PRKCZ: variants seen among roughly 807,000 people sequenced by gnomAD.
PRKCZ encodes protein kinase C zeta type.
In PRKCZ, 33 loss-of-function variants were observed where a neutral mutation model predicts 79.5. The observed-to-expected ratio is 0.41, with a 90% CI of 0.31 to 0.55. The LOEUF (loss-of-function observed/expected upper bound fraction) is 0.55, where lower values mean the gene tolerates loss of function less well. Among genes scored for constraint, PRKCZ ranks in the 20% least tolerant of loss-of-function variants. The pLI is 0.19. For synonymous variants in PRKCZ, 342 were observed against 320.9 expected (o/e 1.07, Z -0.70); for missense variants, 578 against 813.5 (o/e 0.71, Z 3.52).
chr1:2,154,127 G>T lies in PRKCZ; in HGVS notation c.877-1868G>T, dbSNP rs182649109. On this transcript the variant is annotated intron_variant, in intron 9 of 17. Coordinates refer to ENST00000378567, the MANE Select transcript of PRKCZ (RefSeq NM_002744.6). Reference sequence around the variant, plus strand: ...TGGGTGCTGCTGGTGAGGGCCACTGGGGGACGGGTGGTGGCAGGTGAGGGG... The same window carrying T: ...TGGGTGCTGCTGGTGAGGGCCACTGTGGGACGGGTGGTGGCAGGTGAGGGG... Among the ~76,000 whole-genome samples the T allele has an allele frequency of 1.9e-3, 295 of 152,320 alleles. 3 individuals carry two copies. The highest frequency in any genetic ancestry group is 0.011 in the South Asian group (52 of 4,816).
In PRKCZ at chr1:2,144,071, G is replaced by A. The variant is rs1279696370; in HGVS notation, c.421-139G>A. On this transcript the variant is annotated intron_variant, in intron 5 of 17. Coordinates refer to ENST00000378567, the MANE Select transcript of PRKCZ (RefSeq NM_002744.6). The stretch of plus-strand genomic sequence containing the variant: ...CAAGCTTGGGCAAGCCTGGCGCCCG[G>A]AAGGGACAAGGTGCCGGGGCCACCT... 4 of 1,271,196 alleles carry A rather than the reference G, an allele frequency of 3.1e-6. No individual in the cohort carries two copies. In the African/African-American group the frequency reaches 6.0e-5, roughly 19 times the overall value. The allele number at this position is 1,271,196 out of a possible 1,614,324, so 78.7% of individuals were successfully genotyped here.
intron 4 of PRKCZ, chr1:2,111,902 C>G (rs570076318): frequency 6.6e-6 from 1 of 152,226 alleles, no homozygotes; most frequent in East Asian, 1.9e-4. Flanking sequence ...GTGGGAGAGA[C>G]GGGTGTCGGG....
At chr1:2,147,803 TATCC>T (rs1388591813) in intron 7 of PRKCZ, among the ~76,000 whole-genome samples, 1 of 149,380 alleles carries the variant, frequency 6.7e-6, no homozygotes, top group Non-Finnish European at 1.5e-5. Context: ...CCTCTCCATC[TATCC>T]ATCCATCTAT....
Position 2,174,038 on chromosome 1 carries a change from C to G in PRKCZ, c.1405+22C>G. 1 of 1,578,368 alleles carries G rather than the reference C, an allele frequency of 6.3e-7. No homozygotes were observed. Among genetic ancestry groups the G allele is most frequent in the Middle Eastern group, 1.7e-4 (1 of 5,920 alleles). ...CAAGGTGCGTGCCCCGCTGTGCGTT[C>G]GTACCCCTCACCTGCACGACTGTCT... On this transcript the variant is annotated intron_variant, in intron 14 of 17. Coordinates refer to ENST00000378567, the MANE Select transcript of PRKCZ (RefSeq NM_002744.6). This position sits in a 1 kb window ranked among gnomAD's most constrained non-coding sequence, Gnocchi z 6.2.
intron 4 of PRKCZ, among the ~76,000 whole-genome samples, chr1:2,063,416 G>A (rs1426168375): frequency 6.6e-6 from 1 of 152,158 alleles, no homozygotes; most frequent in Non-Finnish European, 1.5e-5. Context: ...GGGCTCAAGC[G>A]ATTCTCCTGT....
At chr1:2,050,871 G>T in intron 1 of PRKCZ, 170 bp downstream of exon 1, 1 of 416,080 alleles carries the variant, frequency 2.4e-6, no homozygotes, top group South Asian at 1.3e-4. Flanking sequence ...CGTCACCCGC[G>T]GACACGTCGT....
rs1684990351 is a variant in PRKCZ at position 2,174,107 on chromosome 1, C to A, written c.1405+91C>A. 6.9e-7 allele frequency: 1 copy of A among 1,444,958 alleles called. No individual in the cohort carries two copies. Among genetic ancestry groups the A allele is most frequent in the South Asian group, 1.4e-5 (1 of 71,782 alleles). The allele number at this position is 1,444,958 out of a possible 1,614,324, so 89.5% of individuals were successfully genotyped here. A position where few individuals can be genotyped will look rare whatever the true frequency, so the allele number is the denominator to read the frequency against. On this transcript the variant is annotated intron_variant, in intron 14 of 17. Transcript: ENST00000378567. This position sits in a 1 kb window ranked among gnomAD's most constrained non-coding sequence, Gnocchi z 6.2. ...GCAGGTGGAGGGGTCCCGCGGGTGC[C>A]TGGAGCGGCAGTGCCATGCAAAGCG...
At chr1:2,179,771 A>G (rs1686181616) in intron 16 of PRKCZ, among the ~76,000 whole-genome samples, 1 of 151,812 alleles carries the variant, frequency 6.6e-6, no homozygotes, top group African/African-American at 2.4e-5. Context: ...CCCAGGGAGG[A>G]GCAAGGACTC....
intron 4 of PRKCZ, among the ~76,000 whole-genome samples, chr1:2,093,024 A>G (rs1361256229): frequency 6.6e-6 from 1 of 152,138 alleles, no homozygotes; most frequent in African/African-American, 2.4e-5. Flanking sequence ...CCCCCCAGTT[A>G]CACCCACACG....
In PRKCZ at chr1:2,157,892, G is replaced by A. The variant is rs572702940; in HGVS notation, c.974+1800G>A. 1.4e-4 allele frequency among the ~76,000 whole-genome samples: 22 copies of A among 152,230 alleles called. 1 individual carries two copies. The South Asian group carries it at 3.5e-3, about 24-fold the overall frequency. The stretch of plus-strand genomic sequence containing the variant: ...GTGTAGGGAACTGTTTGCAGTTCAC[G>A]TTCCCAGCCCCAGCTCCGGGCCAGC... On this transcript the variant is annotated intron_variant, in intron 10 of 17. Coordinates refer to ENST00000378567, the MANE Select transcript of PRKCZ (RefSeq NM_002744.6).
intron 4 of PRKCZ, among the ~76,000 whole-genome samples, chr1:2,112,547 G>A (rs943504713): frequency 1.3e-5 from 2 of 152,176 alleles, no homozygotes; most frequent in African/African-American, 2.4e-5. Flanking sequence ...GCTTGGAGCG[G>A]AGGTGAATGG....
At chr1:2,133,896 C>T (rs1005655065) in intron 4 of PRKCZ, 2 of 152,290 alleles carry the variant, frequency 1.3e-5, no homozygotes, top group Non-Finnish European at 2.9e-5. Context: ...GGTAGAGCCA[C>T]ATGAGGGGTC....
At chr1:2,072,945 C>T (rs1168965788) in intron 4 of PRKCZ, among the ~76,000 whole-genome samples, 6 of 152,098 alleles carry the variant, frequency 3.9e-5, no homozygotes, top group Non-Finnish European at 7.4e-5. Flanking sequence ...CTGAGCACCC[C>T]GCGACCCCCC....
At position 2,125,701 on chromosome 1, in the gene PRKCZ, G is replaced by A. The variant is rs532248902; in HGVS notation, c.335-9561G>A. ...CCATGGCAGGTGAGTCTGATTATTC[G>A]AAGGAGGCTGGAGTGTGGGCGGAGG... On this transcript the variant is annotated intron_variant, in intron 4 of 17. Coordinates refer to ENST00000378567, the MANE Select transcript of PRKCZ (RefSeq NM_002744.6). This position sits in a 1 kb window ranked among gnomAD's most constrained non-coding sequence, Gnocchi z 4.2. 2.6e-5 allele frequency among the ~76,000 whole-genome samples: 4 copies of A among 152,202 alleles called. No individual in the cohort carries two copies. The highest frequency in any genetic ancestry group is 6.5e-5 in the Admixed American group (1 of 15,288).
rs1032671033 is a variant in PRKCZ at position 2,156,270 on chromosome 1, C to A, written c.974+178C>A. On this transcript the variant is annotated intron_variant, in intron 10 of 17. Transcript: ENST00000378567. ...TCCTTGGTTGGTGTCATATTAAGTA[C>A]ATTTCATGATCTGAAGTTATTTAAT... 3.7e-5 allele frequency: 21 copies of A among 564,190 alleles called. No individual in the cohort carries two copies. In the African/African-American group the frequency reaches 4.0e-4, roughly 11 times the overall value. 34.9% of individuals were successfully genotyped at this position (564,190 alleles called of 1,614,324 possible).
At position 2,144,518 on chromosome 1, in the gene PRKCZ, C is replaced by T. The variant is rs551007474; in HGVS notation, c.552+177C>T. 228 of 1,425,302 alleles carry T rather than the reference C, an allele frequency of 1.6e-4. 1 individual carries two copies. The South Asian group carries it at 3.2e-3, about 20-fold the overall frequency. 88.3% of individuals were successfully genotyped at this position (1,425,302 alleles called of 1,614,324 possible). On this transcript the variant is annotated intron_variant, in intron 6 of 17. Coordinates refer to ENST00000378567, the MANE Select transcript of PRKCZ (RefSeq NM_002744.6). ...GGCAGTCTTGGATAGGACCCATCTT[C>T]CTGAGCCCCCACAAGCCCCCGGCAC...
intron 5 of PRKCZ, among the ~76,000 whole-genome samples, chr1:2,140,299 C>T (rs3128298): frequency 0.086 from 13,061 of 152,288 alleles, 610 homozygotes; most frequent in Middle Eastern, 0.12. Context: ...GACAGAGGCT[C>T]CAACCATCAG....
intron 4 of PRKCZ, among the ~76,000 whole-genome samples, chr1:2,069,573 G>A (rs1231283918): frequency 3.3e-5 from 5 of 152,172 alleles, no homozygotes; most frequent in Admixed American, 1.3e-4. Flanking sequence ...CTGTCTCAAA[G>A]GACAGTAGGT....
chr1:2,148,978 G>A, intron 8 of PRKCZ, 54 bp downstream of exon 8: 1 of 1,568,942 alleles, frequency 6.4e-7, no homozygotes, highest in Non-Finnish European at 8.8e-7. Flanking sequence ...GAAAGTCTGT[G>A]AGCCTGTCTC....
Sources: allele counts gnomAD v4.1 joint callset (sites outside exome capture counted in the v4.1 genomes callset), GRCh38; gene constraint gnomAD v4.1.1; non-coding constraint Gnocchi (gnomAD v3.1); transcripts MANE v1.5; gene names NCBI Gene and HGNC (gene_info 2026-07-23, HGNC 2026-07-21).